Variants in TBC1D22A observed in about 807,000 individuals in gnomAD.
The protein encoded by TBC1D22A is putative GTPase activator.
A neutral mutation model predicts 60.2 loss-of-function variants in TBC1D22A; 38 were observed. The observed-to-expected ratio is 0.63, with a 90% CI of 0.49 to 0.83. The LOEUF is 0.83. Among genes scored for constraint, TBC1D22A ranks in the 40% least tolerant of loss-of-function variants. The probability of loss-of-function intolerance (pLI) is 0.00; values close to 1 mark genes in which losing one functional copy is unlikely to be tolerated. For missense variants in TBC1D22A, 628 were observed against 701.0 expected (o/e 0.90, Z 1.18); for synonymous variants, 302 against 281.7 (o/e 1.07, Z -0.72).
intron 1 of TBC1D22A, among the ~76,000 whole-genome samples, chr22:46,781,575 C>T (rs746008185): frequency 6.6e-6 from 1 of 152,126 alleles, no homozygotes; most frequent in Admixed American, 6.5e-5. Context: ...TCTCCCTGTG[C>T]CTATGCTGAA....
At chr22:47,068,342 C>A (rs1289203137) in intron 11 of TBC1D22A, among the ~76,000 whole-genome samples, 1 of 152,246 alleles carries the variant, frequency 6.6e-6, no homozygotes, top group Non-Finnish European at 1.5e-5. Context: ...GCCAGTGTTA[C>A]CAAAGGCCAT....
chr22:46,905,026 G>A (rs556030699), intron 7 of TBC1D22A, among the ~76,000 whole-genome samples: 20 of 151,774 alleles, frequency 1.3e-4, no homozygotes, highest in African/African-American at 3.6e-4. Flanking sequence ...CACCTGCCTC[G>A]GCCTCCCGAA....
chr22:46,915,616 A>G (rs1212246696), intron 8 of TBC1D22A: 2 of 456,696 alleles, frequency 4.4e-6, no homozygotes, highest in Admixed American at 2.3e-5. Flanking sequence ...GAAGTACAGG[A>G]TAGCATCCCA....
chr22:46,837,119 T>G (rs902862614), intron 4 of TBC1D22A, among the ~76,000 whole-genome samples: 1 of 152,148 alleles, frequency 6.6e-6, no homozygotes, highest in African/African-American at 2.4e-5. Context: ...AGCAAGACCC[T>G]GTCTCAAGAA....
intron 10 of TBC1D22A, among the ~76,000 whole-genome samples, chr22:47,016,374 T>C (rs1176638646): frequency 6.6e-6 from 1 of 152,168 alleles, no homozygotes; most frequent in Non-Finnish European, 1.5e-5. Context: ...AGTGGTTACC[T>C]ACAGCTGGCT....
chr22:46,864,909 G>C (rs964355319), intron 4 of TBC1D22A, among the ~76,000 whole-genome samples: 6 of 152,168 alleles, frequency 3.9e-5, no homozygotes, highest in African/African-American at 1.4e-4. Context: ...TCAGGCCTAG[G>C]GATTTGCTGG....
intron 10 of TBC1D22A, among the ~76,000 whole-genome samples, chr22:47,034,374 C>T (rs4495): frequency 0.24 from 36,004 of 152,142 alleles, 4,584 homozygotes; most frequent in East Asian, 0.29. Context: ...GTCACTGGCA[C>T]GTCAGCATCT....
intron 7 of TBC1D22A, among the ~76,000 whole-genome samples, chr22:46,895,835 A>T (rs997079608): frequency 6.6e-6 from 1 of 152,180 alleles, no homozygotes; most frequent in Non-Finnish European, 1.5e-5. Flanking sequence ...CTTCACGTAC[A>T]TTTATGCAGG....
chr22:46,884,086 C>T (rs1254216124), intron 5 of TBC1D22A, among the ~76,000 whole-genome samples: 1 of 152,156 alleles, frequency 6.6e-6, no homozygotes, highest in African/African-American at 2.4e-5. Context: ...CTTGGACGAA[C>T]ATTCCGCCCT....
chr22:47,031,582 C>T (rs1355641655), intron 10 of TBC1D22A, among the ~76,000 whole-genome samples: 1 of 152,176 alleles, frequency 6.6e-6, no homozygotes, highest in Non-Finnish European at 1.5e-5. Flanking sequence ...GGCGCAGGTG[C>T]CCAGAGATGC....
At chr22:46,832,200 C>T (rs370376412) in intron 4 of TBC1D22A, among the ~76,000 whole-genome samples, 8 of 152,328 alleles carry the variant, frequency 5.3e-5, no homozygotes, top group East Asian at 1.9e-4. Flanking sequence ...AAGGGCCAAA[C>T]TGGAGACCAG....
chr22:46,902,197 C>T (rs2069047362), intron 7 of TBC1D22A, among the ~76,000 whole-genome samples: 1 of 152,206 alleles, frequency 6.6e-6, no homozygotes, highest in African/African-American at 2.4e-5. Context: ...TCCGAATTAG[C>T]ATGCATGTTC....
chr22:47,156,731 C>A (rs2067733345), intron 12 of TBC1D22A, among the ~76,000 whole-genome samples: 12 of 152,190 alleles, frequency 7.9e-5, no homozygotes, highest in Admixed American at 7.8e-4. Flanking sequence ...GTCACACTGT[C>A]ACCTGATGGA....
At position 46,793,559 on chromosome 22, in the gene TBC1D22A, A is replaced by G. The variant is rs764610953; in HGVS notation, c.178A>G (p.Thr60Ala). Residue 60 changes from threonine (T) to alanine (A), a missense_variant, in exon 3 of 13, where the codon ACC becomes GCC. Transcript: ENST00000337137. ...TTPVKAKRVS[T>A]FQEFESNTSD... ...ACCAGTGAAGGCCAAGAGGGTCAGC[A>G]CCTTCCAGGAGTTTGAGAGCAATAC... 8 of 1,614,014 alleles carry G rather than the reference A, an allele frequency of 5.0e-6. 1 individual carries two copies. The highest frequency in any genetic ancestry group is 4.4e-5 in the South Asian group (4 of 91,090).
intron 11 of TBC1D22A, among the ~76,000 whole-genome samples, chr22:47,104,888 G>A (rs1008744797): frequency 4.6e-5 from 7 of 151,828 alleles, no homozygotes; most frequent in African/African-American, 1.5e-4. Context: ...TTCACCTATC[G>A]CCTGGGAACA....
intron 4 of TBC1D22A, among the ~76,000 whole-genome samples, chr22:46,861,148 G>A (rs142740265): frequency 1.6e-4 from 24 of 152,138 alleles, no homozygotes; most frequent in Non-Finnish European, 3.2e-4. Context: ...TGTAGAGATG[G>A]AGTTTCGCCC....
chr22:46,969,667 A>G (rs1360624510), intron 8 of TBC1D22A, among the ~76,000 whole-genome samples: 1 of 152,068 alleles, frequency 6.6e-6, no homozygotes, highest in African/African-American at 2.4e-5. Context: ...TGCCTCCTCC[A>G]GGTTCCCTTG....
At chr22:47,025,330 G>T (rs1029247206) in intron 10 of TBC1D22A, among the ~76,000 whole-genome samples, 3 of 152,148 alleles carry the variant, frequency 2.0e-5, no homozygotes, top group African/African-American at 7.2e-5. Flanking sequence ...TACCAAGATA[G>T]ACCATATTTT....
intron 11 of TBC1D22A, among the ~76,000 whole-genome samples, chr22:47,066,794 C>T (rs2063787060): frequency 6.6e-6 from 1 of 152,206 alleles, no homozygotes; most frequent in Non-Finnish European, 1.5e-5. Context: ...ACCTGTACCT[C>T]TGCTCTCCTC....
Sources: gnomAD v4.1 joint callset for allele counts (sites outside exome capture counted in the v4.1 genomes callset) on GRCh38, gnomAD v4.1.1 for gene constraint, MANE v1.5 for transcripts, NCBI Gene and HGNC (gene_info 2026-07-23, HGNC 2026-07-21) for gene names.